Variants in NEGR1 observed in about 807,000 individuals in gnomAD.
NEGR1 encodes the protein neuronal growth regulator 1, also known as IgLON family member 4.
A neutral mutation model predicts 40.9 loss-of-function variants in NEGR1; 10 were observed. The observed-to-expected ratio is 0.24, with a 90% CI of 0.15 to 0.42. The LOEUF (loss-of-function observed/expected upper bound fraction) is 0.42. Ranked by LOEUF, NEGR1 falls within the 10% of genes least tolerant of loss-of-function variation. The pLI is 1.00. For synonymous variants in NEGR1, 185 were observed against 166.8 expected (o/e 1.11, Z -0.84); for missense variants, 352 against 438.9 (o/e 0.80, Z 1.77).
At chr1:71,645,161 T>C (rs1651490272) in intron 4 of NEGR1, among the ~76,000 whole-genome samples, 1 of 151,968 alleles carries the variant, frequency 6.6e-6, no homozygotes, top group South Asian at 2.1e-4. Flanking sequence ...CTTTTTTCAG[T>C]TCTAGGAGAT....
At chr1:71,907,164 A>G (rs1465646516) in intron 2 of NEGR1, among the ~76,000 whole-genome samples, 1 of 152,154 alleles carries the variant, frequency 6.6e-6, no homozygotes, top group Non-Finnish European at 1.5e-5. Flanking sequence ...GCATGGGTTA[A>G]ACTCATGCTT....
At position 71,404,467 on chromosome 1, in the gene NEGR1, A is replaced by T. The variant is rs1427060984; in HGVS notation, c.*2979T>A. ...ACGTAGTTACACCACTTGCAGTTAA[A>T]CTAAGAATGCAAATGTGTAAGTTAA... On this transcript the variant is annotated 3_prime_UTR_variant, in exon 7 of 7. Transcript: ENST00000357731. 1 of 152,068 alleles carries T rather than the reference A, an allele frequency of 6.6e-6. No homozygotes were observed. Among genetic ancestry groups the T allele is most frequent in the Non-Finnish European group, 1.5e-5 (1 of 67,736 alleles). The allele number at this position is 152,068 out of a possible 1,614,324, so 9.4% of individuals were successfully genotyped here.
At chr1:71,960,960 T>C (rs1230070788) in intron 1 of NEGR1, among the ~76,000 whole-genome samples, 1 of 152,184 alleles carries the variant, frequency 6.6e-6, no homozygotes, top group East Asian at 1.9e-4. Flanking sequence ...TATCATTTAG[T>C]ATAATATTAA....
At chr1:72,192,586 T>C (rs1413414524) in intron 1 of NEGR1, among the ~76,000 whole-genome samples, 2 of 151,850 alleles carry the variant, frequency 1.3e-5, no homozygotes, top group African/African-American at 2.4e-5. Context: ...CATATGCACA[T>C]GACTTTATGA....
intron 1 of NEGR1, among the ~76,000 whole-genome samples, chr1:71,936,897 T>C (rs1376896151): frequency 6.6e-6 from 1 of 152,210 alleles, no homozygotes; most frequent in African/African-American, 2.4e-5. Flanking sequence ...TTCTGTTTCA[T>C]CTTGAAAATG....
intron 4 of NEGR1, among the ~76,000 whole-genome samples, chr1:71,650,212 C>T (rs1451242339): frequency 6.6e-6 from 1 of 152,064 alleles, no homozygotes; most frequent in Non-Finnish European, 1.5e-5. Flanking sequence ...TGAGTCAGCC[C>T]ATATGGAAAT....
chr1:71,635,282 G>A (rs916526072), intron 4 of NEGR1, among the ~76,000 whole-genome samples: 22 of 151,972 alleles, frequency 1.4e-4, no homozygotes, highest in Admixed American at 8.5e-4. Context: ...ACCACCGCCC[G>A]CACTTCCACC....
chr1:71,685,365 C>T (rs1652997141), intron 4 of NEGR1, among the ~76,000 whole-genome samples: 1 of 149,626 alleles, frequency 6.7e-6, no homozygotes, highest in South Asian at 2.1e-4. Context: ...TCTTTTTGCC[C>T]AGGCTGGAGT....
At chr1:72,129,199 A>G (rs1055054072) in intron 1 of NEGR1, among the ~76,000 whole-genome samples, 1 of 152,106 alleles carries the variant, frequency 6.6e-6, no homozygotes, top group Non-Finnish European at 1.5e-5. Flanking sequence ...TGTTTCTGTT[A>G]CTCTACAGAA....
At chr1:71,741,020 G>A (rs1311419063) in intron 3 of NEGR1, among the ~76,000 whole-genome samples, 3 of 152,138 alleles carry the variant, frequency 2.0e-5, no homozygotes, top group Non-Finnish European at 4.4e-5. Context: ...CAGAAAATGG[G>A]AATGAGTTTA....
chr1:71,942,962 T>TTATA (rs1447490882), intron 1 of NEGR1, among the ~76,000 whole-genome samples: 1 of 126,482 alleles, frequency 7.9e-6, no homozygotes, highest in African/African-American at 2.9e-5. Context: ...TAAGTTTGTT[T>TTATA]TATATATATA....
At chr1:71,631,658 A>G (rs1350856920) in intron 4 of NEGR1, among the ~76,000 whole-genome samples, 1 of 151,860 alleles carries the variant, frequency 6.6e-6, no homozygotes, top group Non-Finnish European at 1.5e-5. Flanking sequence ...TCTTATAAAA[A>G]TTCACATTCA....
chr1:72,254,688 C>T (rs919648767), intron 1 of NEGR1, among the ~76,000 whole-genome samples: 41 of 125,736 alleles, frequency 3.3e-4, no homozygotes, highest in East Asian at 1.3e-3. Flanking sequence ...GGCAACACAG[C>T]GAGACTCTGT....
intron 4 of NEGR1, among the ~76,000 whole-genome samples, chr1:71,696,415 C>A (rs1188609698): frequency 2.6e-5 from 4 of 151,726 alleles, no homozygotes; most frequent in African/African-American, 7.2e-5. Flanking sequence ...GTTTTAAAGA[C>A]CTCTTGGGTC....
intron 1 of NEGR1, among the ~76,000 whole-genome samples, chr1:72,118,476 A>C (rs1005451356): frequency 4.0e-5 from 6 of 151,842 alleles, no homozygotes; most frequent in Non-Finnish European, 7.4e-5. Flanking sequence ...GGTTGTGAGG[A>C]TCCAGCGGGT....
intron 4 of NEGR1, among the ~76,000 whole-genome samples, chr1:71,640,005 A>T (rs1651294533): frequency 6.6e-6 from 1 of 152,028 alleles, no homozygotes; most frequent in African/African-American, 2.4e-5. Context: ...CTGAATGGTT[A>T]ATTTTAGCCT....
intron 1 of NEGR1, among the ~76,000 whole-genome samples, chr1:72,167,202 A>G (rs17589603): frequency 0.075 from 11,369 of 152,212 alleles, 569 homozygotes; most frequent in South Asian, 0.12. Context: ...ATGTTTCACT[A>G]CACAACCTGT....
intron 1 of NEGR1, among the ~76,000 whole-genome samples, chr1:72,276,481 A>G (rs1656051479): frequency 2.0e-5 from 3 of 152,148 alleles, no homozygotes; most frequent in African/African-American, 7.2e-5. Flanking sequence ...TCATCAATAA[A>G]TGTTCATCAA....
intron 4 of NEGR1, among the ~76,000 whole-genome samples, chr1:71,663,101 C>A (rs1652123189): frequency 6.6e-6 from 1 of 151,930 alleles, no homozygotes; most frequent in African/African-American, 2.4e-5. Flanking sequence ...GGACTACAGG[C>A]GCCTGCCACC....
Sources: gnomAD v4.1 joint callset for allele counts (sites outside exome capture counted in the v4.1 genomes callset) on GRCh38, gnomAD v4.1.1 for gene constraint, MANE v1.5 for transcripts, NCBI Gene and HGNC (gene_info 2026-07-23, HGNC 2026-07-21) for gene names.